RGS7: variants seen among roughly 807,000 people sequenced by gnomAD.
RGS7 encodes regulator of G protein signaling 7, also known as regulator of G-protein signaling 7.
Under a neutral mutation model 81.1 loss-of-function variants are expected in RGS7, and 27 were observed. The observed-to-expected ratio is 0.33, with a 90% confidence interval of 0.25 to 0.46. The LOEUF (loss-of-function observed/expected upper bound fraction) is 0.46, where lower values mean the gene tolerates loss of function less well. Among genes scored for constraint, RGS7 ranks in the 20% least tolerant of loss-of-function variants. The pLI is 1.00. For synonymous variants in RGS7, 208 were observed against 207.7 expected, an observed-to-expected ratio of 1.00 and a Z score of -0.01; for missense variants, 396 against 607.4, an observed-to-expected ratio of 0.65 and a Z score of 3.66.
At chr1:241,025,909 T>A (rs1432618838) in intron 3 of RGS7, among the ~76,000 whole-genome samples, 1 of 152,208 alleles carries the variant, frequency 6.6e-6, no homozygotes, top group African/African-American at 2.4e-5. Context: ...TGGAATGATA[T>A]ATTCCCTCAG....
intron 2 of RGS7, among the ~76,000 whole-genome samples, chr1:241,129,030 G>A (rs2066895549): frequency 6.6e-6 from 1 of 152,102 alleles, no homozygotes; most frequent in African/African-American, 2.4e-5. Context: ...TAGCATGGAG[G>A]AGAGACGTAA....
intron 2 of RGS7, among the ~76,000 whole-genome samples, chr1:241,353,660 A>T (rs1658664492): frequency 6.6e-6 from 1 of 152,164 alleles, no homozygotes; most frequent in Non-Finnish European, 1.5e-5. Flanking sequence ...ACTAATAATA[A>T]GCAAAAAGCT....
At chr1:240,786,919 G>A (rs1488625004) in intron 18 of RGS7, among the ~76,000 whole-genome samples, 1 of 150,976 alleles carries the variant, frequency 6.6e-6, no homozygotes, top group African/African-American at 2.5e-5. Flanking sequence ...TTATATGTGG[G>A]AACACCTGGG....
chr1:240,869,961 T>C, intron 7 of RGS7, 94 bp downstream of exon 7: 8 of 1,036,636 alleles, frequency 7.7e-6, no homozygotes, highest in South Asian at 6.3e-5. Flanking sequence ...AAAAGATCCA[T>C]GAATGAAGAG....
chr1:241,005,199 T>C (rs904803445), intron 3 of RGS7, among the ~76,000 whole-genome samples: 1 of 152,110 alleles, frequency 6.6e-6, no homozygotes, highest in Non-Finnish European at 1.5e-5. Flanking sequence ...TTCTATGAAG[T>C]TGCTCAAAAC....
rs538614200 is a variant in RGS7 at position 241,127,476 on chromosome 1, G to A, written c.79-28714C>T. Among the ~76,000 whole-genome samples, 5 of 152,252 alleles carry A rather than the reference G, an allele frequency of 3.3e-5. No individual in the cohort carries two copies. In the East Asian group the frequency reaches 9.7e-4, roughly 29 times the overall value. On this transcript the variant is annotated intron_variant, in intron 2 of 18. Coordinates refer to ENST00000440928, the MANE Select transcript of RGS7 (RefSeq NM_001364886.1). Reference sequence around the variant, plus strand: ...CAAACACCGCATGTTCTCACTCATAGGTGGGAATCGAACAATGAGAACACA... The same window carrying A: ...CAAACACCGCATGTTCTCACTCATAAGTGGGAATCGAACAATGAGAACACA...
At chr1:240,977,960 GAAGT>G (rs1401878275) in intron 4 of RGS7, among the ~76,000 whole-genome samples, 1 of 152,150 alleles carries the variant, frequency 6.6e-6, no homozygotes, top group Non-Finnish European at 1.5e-5. Context: ...GTGTTCCAAC[GAAGT>G]AAGTCCATCA....
intron 2 of RGS7, among the ~76,000 whole-genome samples, chr1:241,130,841 AC>A (rs1297243637): frequency 6.6e-6 from 1 of 151,542 alleles, no homozygotes; most frequent in Non-Finnish European, 1.5e-5. Flanking sequence ...TCCAAAGGTG[AC>A]ATCTCCTTTC....
At chr1:241,316,013 G>A (rs1013309628) in intron 2 of RGS7, among the ~76,000 whole-genome samples, 15 of 152,058 alleles carry the variant, frequency 9.9e-5, no homozygotes, top group African/African-American at 3.1e-4. Context: ...TGATCTGCAC[G>A]TGGTACAGAA....
At chr1:241,354,568 C>T (rs1292174287) in intron 2 of RGS7, among the ~76,000 whole-genome samples, 1 of 152,186 alleles carries the variant, frequency 6.6e-6, no homozygotes, top group African/African-American at 2.4e-5. Flanking sequence ...AACACATATT[C>T]ATCACTACCT....
intron 4 of RGS7, among the ~76,000 whole-genome samples, chr1:240,955,984 T>A (rs1029386933): frequency 6.6e-6 from 1 of 152,194 alleles, no homozygotes; most frequent in Non-Finnish European, 1.5e-5. Flanking sequence ...TTGTCAGGTA[T>A]AGCACTAAAA....
chr1:241,205,325 C>T (rs1007337372), intron 2 of RGS7, among the ~76,000 whole-genome samples: 8 of 151,794 alleles, frequency 5.3e-5, no homozygotes, highest in Non-Finnish European at 1.0e-4. Flanking sequence ...CATGATCCAC[C>T]CGCCTCGGCC....
intron 2 of RGS7, among the ~76,000 whole-genome samples, chr1:241,322,996 T>C (rs2081296131): frequency 1.3e-5 from 2 of 152,152 alleles, no homozygotes; most frequent in Non-Finnish European, 2.9e-5. Context: ...ATAAAATAAT[T>C]TCTAAATTCT....
chr1:241,123,943 T>C (rs2066469887), intron 2 of RGS7, among the ~76,000 whole-genome samples: 1 of 152,088 alleles, frequency 6.6e-6, no homozygotes, highest in Non-Finnish European at 1.5e-5. Flanking sequence ...GTGTTCCCTT[T>C]GGCGAAAGTT....
At chr1:240,865,109 C>G (rs1662994384) in intron 9 of RGS7, among the ~76,000 whole-genome samples, 1 of 152,164 alleles carries the variant, frequency 6.6e-6, no homozygotes, top group Non-Finnish European at 1.5e-5. Context: ...TCAACTAACA[C>G]TGCAAGGTAG....
At chr1:240,811,061 T>C (rs971183407) in intron 14 of RGS7, among the ~76,000 whole-genome samples, 5 of 152,316 alleles carry the variant, frequency 3.3e-5, no homozygotes, top group African/African-American at 1.2e-4. Context: ...GAAAAGAACG[T>C]GACCATGCCT....
At chr1:241,340,719 C>A (rs923159015) in intron 2 of RGS7, among the ~76,000 whole-genome samples, 1 of 151,316 alleles carries the variant, frequency 6.6e-6, no homozygotes, top group South Asian at 2.1e-4. Flanking sequence ...ATAAGAGAAA[C>A]ATTCAAATGG....
intron 3 of RGS7, among the ~76,000 whole-genome samples, chr1:240,996,924 T>C (rs1187327055): frequency 2.0e-5 from 3 of 152,158 alleles, no homozygotes; most frequent in Non-Finnish European, 4.4e-5. Flanking sequence ...TAATATTTTT[T>C]AAAATCCATT....
intron 6 of RGS7, 46 bp from the exon 7 acceptor site, chr1:240,870,165 G>A (rs1664226220): frequency 6.6e-7 from 1 of 1,509,968 alleles, no homozygotes; most frequent in Non-Finnish European, 9.2e-7. Flanking sequence ...CAACACCATG[G>A]CACTATAAGT....
Sources: gnomAD v4.1 joint callset for allele counts (sites outside exome capture counted in the v4.1 genomes callset) on GRCh38, gnomAD v4.1.1 for gene constraint, MANE v1.5 for transcripts, NCBI Gene and HGNC (gene_info 2026-07-23, HGNC 2026-07-21) for gene names.